The following FAM83A variants were observed in gnomAD, a reference collection of about 807,000 sequenced individuals.
FAM83A encodes the protein scaffolding CK1 anchoring protein A, also known as protein FAM83A.
Under a neutral mutation model 24.4 loss-of-function variants are expected in FAM83A, and 21 were observed. The ratio of observed to expected loss-of-function variants is 0.86; its 90% CI spans 0.61 to 1.24. FAM83A has a LOEUF of 1.24. Among genes scored for constraint, FAM83A ranks in the 50% most tolerant of loss-of-function variants. The pLI, the probability that FAM83A is intolerant of heterozygous loss-of-function variation, is 0.00. For synonymous variants in FAM83A, 270 were observed against 252.4 expected (o/e 1.07, Z -0.66); for missense variants, 617 against 579.8 (o/e 1.06, Z -0.66).
intron 3 of FAM83A, among the ~76,000 whole-genome samples, chr8:123,206,138 CAAA>C (rs57788150): frequency 9.0e-6 from 1 of 110,946 alleles, no homozygotes; most frequent in African/African-American, 3.2e-5. Flanking sequence ...GTAAGACTCT[CAAA>C]AAAAAAAAAA....
chr8:123,196,536 T>C (rs1475855424), intron 3 of FAM83A, among the ~76,000 whole-genome samples: 10 of 152,178 alleles, frequency 6.6e-5, no homozygotes, highest in South Asian at 2.1e-4. Flanking sequence ...AGCTTAATAA[T>C]TTATATTTTT....
At chr8:123,189,646 G>A (rs1823908722) in intron 1 of FAM83A, among the ~76,000 whole-genome samples, 1 of 152,182 alleles carries the variant, frequency 6.6e-6, no homozygotes, top group Non-Finnish European at 1.5e-5. Flanking sequence ...TCAAAAGAAT[G>A]CAACAGTTTT....
chr8:123,191,842 A>G lies in FAM83A; in HGVS notation c.520A>G (p.Ile174Val), dbSNP rs200869919. ...GATGGATGTGTTCACGGATGTGGAG[A>G]TCTTCTGTGACATTCTAGAGGCAGC... The change falls in exon 2 of 4, where the codon ATC becomes GTC. Residue 174 changes from isoleucine (I) to valine (V), a missense_variant. Transcript: ENST00000690554. 10 of 1,613,952 alleles carry G rather than the reference A, an allele frequency of 6.2e-6. No homozygotes were observed. The Admixed American group carries it at 1.7e-4, about 27-fold the overall frequency.
At chr8:123,186,173 G>T (rs73341731) in intron 1 of FAM83A, among the ~76,000 whole-genome samples, 2 of 152,264 alleles carry the variant, frequency 1.3e-5, no homozygotes, top group Middle Eastern at 3.4e-3. Flanking sequence ...ATTTTTAAGA[G>T]TGGAAGGAAG....
chr8:123,193,271 C>A (rs1038614294), intron 2 of FAM83A, among the ~76,000 whole-genome samples: 12 of 152,212 alleles, frequency 7.9e-5, no homozygotes, highest in Non-Finnish European at 1.5e-5. Flanking sequence ...ACCGAGCCTT[C>A]CCTCTGAACA....
chr8:123,207,874 C>T, exon 4 of FAM83A: 1 of 1,379,050 alleles, frequency 7.3e-7, no homozygotes, highest in East Asian at 2.8e-5. Flanking sequence ...TTCTTGGGTT[C>T]CCCGCTCTAG....
At chr8:123,183,011 G>A (rs899445170) in exon 1 of FAM83A, 13 of 1,606,196 alleles carry the variant, frequency 8.1e-6, no homozygotes, top group Middle Eastern at 1.7e-4. Flanking sequence ...GCCTACTGGC[G>A]GGTGCTCAGC....
At chr8:123,186,256 C>T (rs1823790308) in intron 1 of FAM83A, among the ~76,000 whole-genome samples, 1 of 152,128 alleles carries the variant, frequency 6.6e-6, no homozygotes, top group African/African-American at 2.4e-5. Context: ...CACACAAATG[C>T]ACCTACACAC....
exon 1 of FAM83A, chr8:123,183,067 A>C (rs1211275977): frequency 6.2e-7 from 1 of 1,613,548 alleles, no homozygotes. Context: ...GGCCCAGTAC[A>C]TCCAGGCCCA....
chr8:123,203,586 C>CAAAAAA (rs1187426797), intron 3 of FAM83A, among the ~76,000 whole-genome samples: 33 of 41,164 alleles, frequency 8.0e-4, no homozygotes, highest in African/African-American at 5.0e-4. Flanking sequence ...AGATCTGTCT[C>CAAAAAA]AAAAAAAAAA....
At chr8:123,182,806 T>C in exon 1 of FAM83A, 1 of 1,505,086 alleles carries the variant, frequency 6.6e-7, no homozygotes, top group Non-Finnish European at 8.9e-7. Flanking sequence ...TTCCCACATC[T>C]GGAGGAGCTG....
In FAM83A at chr8:123,188,538, C is replaced by T. The variant is rs1290462070; in HGVS notation, c.481-3265C>T. Among the ~76,000 whole-genome samples the T allele has an allele frequency of 4.7e-5, 7 of 150,482 alleles. No homozygotes were observed. The East Asian group carries it at 5.9e-4, about 13-fold the overall frequency. On this transcript the variant is annotated intron_variant, in intron 1 of 3. Coordinates refer to ENST00000690554, the Ensembl canonical transcript of FAM83A. ...TTGCTCTGTCACCCAGGCTGGAGTG[C>T]GGTGGTGAGATGTCGGCTCACTGCA...
At chr8:123,196,161 G>A (rs372479664) in intron 3 of FAM83A, among the ~76,000 whole-genome samples, 3 of 152,066 alleles carry the variant, frequency 2.0e-5, no homozygotes, top group Non-Finnish European at 2.9e-5. Flanking sequence ...ACAGGCACCC[G>A]CCACCACGCT....
At chr8:123,185,851 C>T (rs947504749) in intron 1 of FAM83A, among the ~76,000 whole-genome samples, 2 of 152,190 alleles carry the variant, frequency 1.3e-5, no homozygotes, top group Non-Finnish European at 2.9e-5. Context: ...AGTGCGTTGG[C>T]TCGATCTTGG....
intron 3 of FAM83A, among the ~76,000 whole-genome samples, chr8:123,197,378 T>C (rs1824192773): frequency 6.6e-6 from 1 of 152,194 alleles, no homozygotes; most frequent in Non-Finnish European, 1.5e-5. Context: ...AGGGTCCCCA[T>C]GTAAGTGCCT....
At chr8:123,207,019 C>A in intron 3 of FAM83A, 138 bp from the exon 4 acceptor site, 1 of 155,530 alleles carries the variant, frequency 6.4e-6, no homozygotes. Context: ...CTTCCTCTTC[C>A]CCCTCCCACT....
At chr8:123,194,064 C>T (rs144324262) in exon 3 of FAM83A, 280 of 1,614,210 alleles carry the variant, frequency 1.7e-4, no homozygotes, top group Admixed American at 3.2e-4. Context: ...ATATACTGTG[C>T]CAAGTCAGGC....
chr8:123,207,389 A>T, exon 4 of FAM83A: 1 of 1,611,074 alleles, frequency 6.2e-7, no homozygotes, highest in Non-Finnish European at 8.5e-7. Flanking sequence ...CAACCCCTTC[A>T]GCGGCCGCTC....
At chr8:123,189,837 G>C (rs775694756) in intron 1 of FAM83A, among the ~76,000 whole-genome samples, 1 of 152,108 alleles carries the variant, frequency 6.6e-6, no homozygotes, top group Admixed American at 6.5e-5. Flanking sequence ...GGCACATGTC[G>C]TCAGGACTTC....
Sources: gnomAD v4.1 joint callset for allele counts (sites outside exome capture counted in the v4.1 genomes callset) on GRCh38, gnomAD v4.1.1 for gene constraint, MANE v1.5 for transcripts, NCBI Gene and HGNC (gene_info 2026-07-23, HGNC 2026-07-21) for gene names.